The following PLEKHN1 variants were observed in gnomAD, a reference collection of about 807,000 sequenced individuals.
PLEKHN1 encodes pleckstrin homology domain-containing family N member 1.
Under a neutral mutation model 72.8 loss-of-function variants are expected in PLEKHN1, and 68 were observed. The observed-to-expected ratio is 0.93, with a 90% CI of 0.77 to 1.14. The LOEUF (loss-of-function observed/expected upper bound fraction) is 1.14, where lower values mean the gene tolerates loss of function less well. PLEKHN1 is among the 50% of genes most tolerant of loss of function. The pLI, the probability that PLEKHN1 is intolerant of heterozygous loss-of-function variation, is 0.00. For synonymous variants in PLEKHN1, 454 were observed against 371.6 expected, an observed-to-expected ratio of 1.22 and a Z score of -2.55; for missense variants, 1,015 against 840.5, an observed-to-expected ratio of 1.21 and a Z score of -2.57.
At chr1:971,303 A>ACCCCCCCCCCCCCCCCC in intron 7 of PLEKHN1, 21 bp from the exon 8 acceptor site, 1 of 1,495,468 alleles carries the variant, frequency 6.7e-7, no homozygotes, top group Non-Finnish European at 9.1e-7. Flanking sequence ...TCATCGCCTG[A>ACCCCCCCCCCCCCCCCC]CCCCACCCCC....
rs1363141331 is a variant in PLEKHN1 at position 971,097 on chromosome 1, C to T, written c.613-16C>T. ...CACAGGGGTCCTGCGGAGACGAACT[C>T]CCCTGGACTTTGCAGCGCCGTCTAA... On this transcript the variant is annotated splice_polypyrimidine_tract_variant and intron_variant, in intron 6 of 15. Transcript: ENST00000379410. The T allele has an allele frequency of 6.3e-7, 1 of 1,588,622 alleles. No homozygotes were observed. The highest frequency in any genetic ancestry group is 2.3e-5 in the East Asian group (1 of 43,584).
Position 966,751 on chromosome 1 carries a change from C to T in PLEKHN1, c.131C>T (p.Ala44Val), listed in dbSNP as rs1643005523. 1 of 1,575,774 alleles carries T rather than the reference C, an allele frequency of 6.3e-7. No individual in the cohort carries two copies. Among genetic ancestry groups the T allele is most frequent in the Non-Finnish European group, 8.6e-7 (1 of 1,161,612 alleles). ...MSAGLPGPEA[A>V]RSGDAAANKL... ...GCCGGCCTGCCGGGCCCCGAGGCTGCTCGAAGCGGGGACGCCGCCGCCAAC... is the reference window on the plus strand; with the variant it reads ...GCCGGCCTGCCGGGCCCCGAGGCTGTTCGAAGCGGGGACGCCGCCGCCAAC... Residue 44 changes from alanine (A) to valine (V), a missense_variant, in exon 2 of 16, where the codon GCT becomes GTT. Coordinates refer to ENST00000379410, the MANE Select transcript of PLEKHN1 (RefSeq NM_032129.3).
intron 10 of PLEKHN1, 22 bp downstream of exon 10, chr1:972,446 C>G: frequency 6.5e-7 from 1 of 1,545,170 alleles, no homozygotes; most frequent in South Asian, 1.2e-5. Context: ...ATAGGCCCCA[C>G]AGCCCAGGTC....
Position 972,288 on chromosome 1 carries a change from G to GC in PLEKHN1, c.871dup (p.Leu291ProfsTer79). The GC allele has an allele frequency of 6.2e-7, 1 of 1,610,518 alleles. No individual in the cohort carries two copies. The highest frequency in any genetic ancestry group is 8.5e-7 in the Non-Finnish European group (1 of 1,178,426). ...GCCCCTCACAGCATCTGTATGCCAG[G>GC]CCCCCTCATCAACACCATCCGCGTG... On this transcript the variant is annotated frameshift_variant and splice_region_variant, in exon 10 of 16. Coordinates refer to ENST00000379410, the MANE Select transcript of PLEKHN1 (RefSeq NM_032129.3). LOFTEE classifies it high-confidence loss of function.
In PLEKHN1 at chr1:974,368, A is replaced by G. The variant is rs1643508720; in HGVS notation, c.1702+4A>G. On this transcript the variant is annotated splice_donor_region_variant and intron_variant, in intron 15 of 15. Coordinates refer to ENST00000379410, the MANE Select transcript of PLEKHN1 (RefSeq NM_032129.3). ...GAACCCTGGCTGCCTCTGACAGGTG[A>G]GTAAGGATCCTGCCTCCTGAGGTGA... 1 of 1,612,882 alleles carries G rather than the reference A, an allele frequency of 6.2e-7. No homozygotes were observed. The highest frequency in any genetic ancestry group is 1.1e-5 in the South Asian group (1 of 91,094).
chr1:973,893 CCTGTGT>C lies in PLEKHN1; in HGVS notation c.1501_1506del (p.Ser501_Val502del), dbSNP rs1395566434. ...GCCCTCGAGCCCACTCCCCTCGGTG[CCTGTGT>C]CTGTGCCTGCCTCTGACCCTCGCTC... On this transcript the variant is annotated inframe_deletion, in exon 14 of 16. Coordinates refer to ENST00000379410, the MANE Select transcript of PLEKHN1 (RefSeq NM_032129.3). The C allele has an allele frequency of 6.2e-7, 1 of 1,611,086 alleles. No homozygotes were observed. Among genetic ancestry groups the C allele is most frequent in the Admixed American group, 1.7e-5 (1 of 59,994 alleles).
chr1:968,677 G>C lies in PLEKHN1; in HGVS notation c.184-1600G>C, dbSNP rs552141441. Among the ~76,000 whole-genome samples the C allele has an allele frequency of 5.7e-4, 87 of 152,338 alleles. 2 individuals carry two copies. The highest frequency in any genetic ancestry group is 1.9e-3 in the African/African-American group (81 of 41,570). ...CGGTGCTAAGGAGAAAAACAGAGGG[G>C]ATGAGTGCAGAGGATCAGGGAAGGC... On this transcript the variant is annotated intron_variant, in intron 2 of 15. Transcript: ENST00000379410.
chr1:969,137 C>T (rs564673915), intron 2 of PLEKHN1, among the ~76,000 whole-genome samples: 1 of 152,348 alleles, frequency 6.6e-6, no homozygotes, highest in African/African-American at 2.4e-5. Flanking sequence ...TACAATACTG[C>T]AGACGTGGGA....
chr1:968,953 G>A (rs1359905856), intron 2 of PLEKHN1, among the ~76,000 whole-genome samples: 1 of 152,124 alleles, frequency 6.6e-6, no homozygotes, highest in African/African-American at 2.4e-5. Flanking sequence ...CATACGGAGC[G>A]GCCAACACAC....
rs200379767 is a variant in PLEKHN1, at chr1:966,796, C to T, written c.176C>T (p.Pro59Leu). 7.5e-5 allele frequency: 117 copies of T among 1,562,620 alleles called. No homozygotes were observed. Among genetic ancestry groups the T allele is most frequent in the Non-Finnish European group, 9.3e-5 (108 of 1,155,376 alleles). The change falls in exon 2 of 16, where the codon CCG becomes CTG. Residue 59 changes from proline (P) to leucine (L), a missense_variant. Pro to Leu is a moderately conservative substitution (Grantham distance 98, BLOSUM62 -3). Coordinates refer to ENST00000379410, the MANE Select transcript of PLEKHN1 (RefSeq NM_032129.3). ...GCCAACAAGCTCTTCCACTACATCC[C>T]GGGCACGGTGAGCGCGGCGTGCACG... ...AAANKLFHYI[P>L]GTDILDLENQ...
intron 8 of PLEKHN1, chr1:971,633 G>A (rs1367492323): frequency 1.7e-6 from 1 of 601,720 alleles, no homozygotes; most frequent in African/African-American, 1.9e-5. Context: ...CCTGGGGCGG[G>A]CAGCATGGGG....
At chr1:969,638 GTA>G (rs1643189161) in intron 2 of PLEKHN1, among the ~76,000 whole-genome samples, 1 of 140,744 alleles carries the variant, frequency 7.1e-6, no homozygotes, top group Admixed American at 6.8e-5. Context: ...GTGCAACTGT[GTA>G]TGTGTGCACG....
intron 2 of PLEKHN1, among the ~76,000 whole-genome samples, chr1:969,904 TG>T (rs1433165552): frequency 1.3e-5 from 2 of 152,248 alleles, no homozygotes; most frequent in Non-Finnish European, 1.5e-5. Context: ...CATATATGTA[TG>T]CACGTGTGTG....
chr1:970,034 G>A lies in PLEKHN1; in HGVS notation c.184-243G>A, dbSNP rs947173486. Among the ~76,000 whole-genome samples, 1 of 148,874 alleles carries A rather than the reference G, an allele frequency of 6.7e-6. No homozygotes were observed. Among genetic ancestry groups the A allele is most frequent in the African/African-American group, 2.5e-5 (1 of 40,542 alleles). ...GTGCACAGGTTCTGTGCCTGTGGGGGGCTGTTCTTCACGTATGTGTTGTGT... is the reference window on the plus strand; with the variant it reads ...GTGCACAGGTTCTGTGCCTGTGGGGAGCTGTTCTTCACGTATGTGTTGTGT... On this transcript the variant is annotated intron_variant, in intron 2 of 15. Transcript: ENST00000379410. This position sits in a 1 kb window ranked among gnomAD's most constrained non-coding sequence, Gnocchi z 4.2.
intron 8 of PLEKHN1, 119 bp downstream of exon 8, chr1:971,523 GC>G: frequency 1.1e-6 from 1 of 946,984 alleles, no homozygotes; most frequent in Non-Finnish European, 1.6e-6. Context: ...GCAGGGCCCT[GC>G]CCACCCAGCC....
intron 2 of PLEKHN1, among the ~76,000 whole-genome samples, chr1:969,970 C>T (rs1448178781): frequency 6.6e-6 from 1 of 151,994 alleles, no homozygotes; most frequent in Non-Finnish European, 1.5e-5. Flanking sequence ...AGGTTCTGTG[C>T]CTGTGGGGGG....
intron 11 of PLEKHN1, 23 bp from the exon 12 acceptor site, chr1:973,163 T>C: frequency 4.0e-6 from 6 of 1,501,900 alleles, no homozygotes; most frequent in Non-Finnish European, 5.4e-6. Context: ...GGGCTCTTCC[T>C]GGAAGGTTTG....
rs372403366 is a variant in PLEKHN1, at chr1:973,482, C to T, written c.1294-18C>T. ...GTTTCTAGCCGAGAAGCCCATTTCT[C>T]CCACCTCTGCCCTGCAGCTGCACAG... On this transcript the variant is annotated intron_variant, in intron 12 of 15. Coordinates refer to ENST00000379410, the MANE Select transcript of PLEKHN1 (RefSeq NM_032129.3). The T allele has an allele frequency of 1.3e-5, 21 of 1,610,908 alleles. No individual in the cohort carries two copies. In the Middle Eastern group the frequency reaches 8.2e-4, roughly 63 times the overall value.
chr1:971,299 C>G, intron 7 of PLEKHN1, 25 bp from the exon 8 acceptor site: 1 of 1,557,188 alleles, frequency 6.4e-7, no homozygotes, highest in Non-Finnish European at 8.7e-7. Context: ...TCCCTCATCG[C>G]CTGACCCCAC....
Sources: allele counts gnomAD v4.1 joint callset (sites outside exome capture counted in the v4.1 genomes callset), GRCh38; gene constraint gnomAD v4.1.1; non-coding constraint Gnocchi (gnomAD v3.1); transcripts MANE v1.5; gene names NCBI Gene and HGNC (gene_info 2026-07-23, HGNC 2026-07-21).